Variants in FOXP4 observed in about 807,000 individuals in gnomAD.
FOXP4 encodes the protein forkhead box protein P4.
Under a neutral mutation model 82.6 loss-of-function variants are expected in FOXP4, and 25 were observed. That is an observed-to-expected ratio of 0.30 (90% CI 0.22 to 0.42). The LOEUF (loss-of-function observed/expected upper bound fraction) is 0.42, where lower values mean the gene tolerates loss of function less well. Among genes scored for constraint, FOXP4 ranks in the 10% least tolerant of loss-of-function variants. The pLI is 1.00. For synonymous variants in FOXP4, 415 were observed against 388.2 expected (o/e 1.07, Z -0.81); for missense variants, 785 against 900.9 (o/e 0.87, Z 1.65).
At chr6:41,589,681 C>T (rs1413672102) in intron 9 of FOXP4, 90 bp from the exon 10 acceptor site, 4 of 1,374,570 alleles carry the variant, frequency 2.9e-6, no homozygotes, top group Non-Finnish European at 3.0e-6. Flanking sequence ...AATCGGCGGC[C>T]TTCTGAAGAG....
At chr6:41,598,064 C>G in intron 16 of FOXP4, 114 bp downstream of exon 16, 1 of 862,752 alleles carries the variant, frequency 1.2e-6, no homozygotes, top group South Asian at 1.9e-5. Context: ...ACGCCTCTCC[C>G]CAGGACAAGT....
intron 1 of FOXP4, among the ~76,000 whole-genome samples, chr6:41,550,964 G>A (rs1380855378): frequency 1.3e-5 from 2 of 152,174 alleles, no homozygotes; most frequent in Non-Finnish European, 2.9e-5. Context: ...TCACTGAATG[G>A]ATCATCTCAA....
In FOXP4 at chr6:41,589,867, C is replaced by A. The variant is rs1258645540; in HGVS notation, c.1149+13C>A. The A allele has an allele frequency of 1.2e-6, 2 of 1,610,134 alleles. No homozygotes were observed. The highest frequency in any genetic ancestry group is 4.5e-5 in the East Asian group (2 of 44,826). On this transcript the variant is annotated intron_variant, in intron 10 of 16. Coordinates refer to ENST00000307972, the MANE Select transcript of FOXP4 (RefSeq NM_001012426.2). ...CTTCAGCCAGCCAGTGAGTGCTGCT[C>A]CCCTCCCCGCCCCTCCCAGAGCCTT...
At chr6:41,582,216 C>G (rs1036905609) in intron 3 of FOXP4, among the ~76,000 whole-genome samples, 2 of 152,214 alleles carry the variant, frequency 1.3e-5, no homozygotes, top group African/African-American at 4.8e-5. Context: ...GGGTCAGGGT[C>G]AGGGCAGGTT....
Position 41,590,330 on chromosome 6 carries a change from G to A in FOXP4, c.1417G>A (p.Ala473Thr). The change falls in exon 12 of 17, where the codon GCC becomes ACC. Residue 473 changes from alanine (A) to threonine (T), a missense_variant. By Grantham distance (58) the Ala-to-Thr change is moderately conservative. Coordinates refer to ENST00000307972, the MANE Select transcript of FOXP4 (RefSeq NM_001012426.2). ...CGACGTCCGGCCCCCCTTCACCTAC[G>A]CCTCCCTCATCCGCCAGGTGAGCAG... ...NADVRPPFTY[A>T]SLIRQAILET... 3.7e-6 allele frequency: 6 copies of A among 1,613,848 alleles called. No individual in the cohort carries two copies. The highest frequency in any genetic ancestry group is 1.3e-5 in the African/African-American group (1 of 75,026).
intron 3 of FOXP4, among the ~76,000 whole-genome samples, chr6:41,584,257 G>A (rs557944125): frequency 8.5e-5 from 13 of 152,340 alleles, no homozygotes; most frequent in Admixed American, 5.2e-4. Flanking sequence ...GGTGGGCCAC[G>A]TTTTGAATCC....
At chr6:41,566,049 C>T (rs1243781764) in intron 2 of FOXP4, 85 bp downstream of exon 2, 3 of 1,378,624 alleles carry the variant, frequency 2.2e-6, no homozygotes. Flanking sequence ...GCTGGAGCAC[C>T]ACTCCCTGCC....
At chr6:41,584,483 C>T (rs573557343) in intron 3 of FOXP4, among the ~76,000 whole-genome samples, 3 of 152,362 alleles carry the variant, frequency 2.0e-5, no homozygotes, top group East Asian at 1.9e-4. Context: ...CCCTTATGTG[C>T]ACTTGCTGTG....
intron 1 of FOXP4, among the ~76,000 whole-genome samples, chr6:41,560,490 T>C (rs1764507354): frequency 6.6e-6 from 1 of 152,196 alleles, no homozygotes; most frequent in Non-Finnish European, 1.5e-5. Context: ...CCCACCCGTG[T>C]CTCCCTTAAG....
At position 41,585,423 on chromosome 6, in the gene FOXP4, C is replaced by A. The variant is rs369724251; in HGVS notation, c.424-8C>A. 68 of 1,613,120 alleles carry A rather than the reference C, an allele frequency of 4.2e-5. No individual in the cohort carries two copies. Among genetic ancestry groups the A allele is most frequent in the Non-Finnish European group, 5.4e-5 (64 of 1,179,566 alleles). On this transcript the variant is annotated splice_polypyrimidine_tract_variant and splice_region_variant and intron_variant, in intron 4 of 16. Coordinates refer to ENST00000307972, the MANE Select transcript of FOXP4 (RefSeq NM_001012426.2). ...CCTGCCAGTGGTAACCCTCCTCCACCCCCCCAGCTACAGGAGTACTACAAG... is the reference window on the plus strand; with the variant it reads ...CCTGCCAGTGGTAACCCTCCTCCACACCCCCAGCTACAGGAGTACTACAAG...
At chr6:41,548,086 G>C (rs1763764623) in intron 1 of FOXP4, among the ~76,000 whole-genome samples, 1 of 152,214 alleles carries the variant, frequency 6.6e-6, no homozygotes, top group Non-Finnish European at 1.5e-5. Flanking sequence ...GGGGGGAAAG[G>C]GTATGGGAAC....
At chr6:41,584,532 A>T (rs1396972275) in intron 3 of FOXP4, among the ~76,000 whole-genome samples, 1 of 152,234 alleles carries the variant, frequency 6.6e-6, no homozygotes, top group Admixed American at 6.5e-5. Context: ...ATTAGTCCTT[A>T]TGGTGACCTT....
intron 5 of FOXP4, among the ~76,000 whole-genome samples, chr6:41,586,381 C>T (rs1187601810): frequency 6.6e-6 from 1 of 152,130 alleles, no homozygotes; most frequent in African/African-American, 2.4e-5. Flanking sequence ...TTGCTGACAG[C>T]CTGACTTGTC....
In FOXP4 at chr6:41,591,646, T is replaced by C. The variant is rs1766518998; in HGVS notation, c.1536+324T>C. On this transcript the variant is annotated intron_variant, in intron 13 of 16. Coordinates refer to ENST00000307972, the MANE Select transcript of FOXP4 (RefSeq NM_001012426.2). This position sits in a 1 kb window ranked among gnomAD's most constrained non-coding sequence, Gnocchi z 4.2. ...TCTAGGAATTGCTAATGCCCAAGCT[T>C]GATACAGAAGCCTGGGCCGAATTTC... Among the ~76,000 whole-genome samples, 1 of 150,598 alleles carries C rather than the reference T, an allele frequency of 6.6e-6. No individual in the cohort carries two copies. Among genetic ancestry groups the C allele is most frequent in the Admixed American group, 6.6e-5 (1 of 15,144 alleles).
In FOXP4 at chr6:41,558,049, C is replaced by T. The variant is rs1258183015; in HGVS notation, c.-16-7696C>T. On this transcript the variant is annotated intron_variant, in intron 1 of 16. Transcript: ENST00000307972. This position sits in a 1 kb window ranked among gnomAD's most constrained non-coding sequence, Gnocchi z 4.0. ...GGGGTAGGCAGCTTCTAGGATGTCA[C>T]AGTCATTGAGGGAGACTCCCAGGCC... 2.6e-5 allele frequency among the ~76,000 whole-genome samples: 4 copies of T among 152,122 alleles called. No individual in the cohort carries two copies. The highest frequency in any genetic ancestry group is 9.7e-5 in the African/African-American group (4 of 41,400).
In FOXP4 at chr6:41,598,826, G is replaced by A; in HGVS notation, c.1933G>A (p.Glu645Lys). The A allele has an allele frequency of 6.3e-7, 1 of 1,574,860 alleles. No homozygotes were observed. The highest frequency in any genetic ancestry group is 8.6e-7 in the Non-Finnish European group (1 of 1,160,664). The stretch of plus-strand genomic sequence containing the variant: ...GGTGAAGGAGGAGCCAGCAGAGGCA[G>A]AGGAAGACAGGCAGCCCGGGCCTCC... Reference protein sequence around the residue: ...VQVKEEPAEAEEDRQPGPPLG... With the variant: ...VQVKEEPAEAKEDRQPGPPLG... The change falls in exon 17 of 17, where the codon GAG becomes AAG. Residue 645 changes from glutamate (E) to lysine (K), a missense_variant. Around this residue, in one of 3 missense-constraint regions of FOXP4, gnomAD observed 184 missense variants for 187.3 expected, o/e 0.98. Coordinates refer to ENST00000307972, the MANE Select transcript of FOXP4 (RefSeq NM_001012426.2).
At chr6:41,588,160 A>T (rs1766270078) in intron 8 of FOXP4, among the ~76,000 whole-genome samples, 1 of 152,004 alleles carries the variant, frequency 6.6e-6, no homozygotes, top group South Asian at 2.1e-4. Context: ...GACAAACATA[A>T]GCATTACTCC....
chr6:41,577,928 A>C lies in FOXP4; in HGVS notation c.205-58A>C, dbSNP rs958963438. 3 of 1,327,998 alleles carry C rather than the reference A, an allele frequency of 2.3e-6. No individual in the cohort carries two copies. The African/African-American group carries it at 4.3e-5, about 19-fold the overall frequency. 82.3% of individuals were successfully genotyped at this position (1,327,998 alleles called of 1,614,324 possible). ...CTCCTTACTGCCCCAAACACTCCCT[A>C]ATCCCTGGATCCCACCCAGCCTCCC... On this transcript the variant is annotated intron_variant, in intron 2 of 16. Coordinates refer to ENST00000307972, the MANE Select transcript of FOXP4 (RefSeq NM_001012426.2).
At position 41,578,220 on chromosome 6, in the gene FOXP4, G is replaced by A; in HGVS notation, c.300+139G>A. 9 of 684,796 alleles carry A rather than the reference G, an allele frequency of 1.3e-5. No individual in the cohort carries two copies. In the South Asian group the frequency reaches 1.7e-4, roughly 13 times the overall value. 42.4% of individuals were successfully genotyped at this position (684,796 alleles called of 1,614,324 possible). A position where few individuals can be genotyped will look rare whatever the true frequency, so the allele number is the denominator to read the frequency against. The stretch of plus-strand genomic sequence containing the variant: ...TGGGCAACTTTTCAAAGGAAATACA[G>A]TCACTGCAGGGGTGGGGCAAAAAGG... On this transcript the variant is annotated intron_variant, in intron 3 of 16. Coordinates refer to ENST00000307972, the MANE Select transcript of FOXP4 (RefSeq NM_001012426.2).
Sources: gnomAD v4.1 joint callset for allele counts (sites outside exome capture counted in the v4.1 genomes callset) on GRCh38, gnomAD v4.1.1 for gene constraint, gnomAD v4.1.1 regional missense constraint, Gnocchi (gnomAD v3.1) non-coding constraint, MANE v1.5 for transcripts, NCBI Gene and HGNC (gene_info 2026-07-23, HGNC 2026-07-21) for gene names.